The following ROBO2 variants were observed in gnomAD, a reference collection of about 807,000 sequenced individuals.
ROBO2 encodes the protein roundabout guidance receptor 2, also known as roundabout homolog 2.
A neutral mutation model predicts 160.8 loss-of-function variants in ROBO2; 53 were observed. That is an observed-to-expected ratio of 0.33 (90% CI 0.26 to 0.41). ROBO2 has a LOEUF of 0.41. Among genes scored for constraint, ROBO2 ranks in the 10% least tolerant of loss-of-function variants. ROBO2 has a pLI of 1.00. For synonymous variants in ROBO2, 664 were observed against 611.7 expected (o/e 1.09, Z -1.26); for missense variants, 1,577 against 1,722.4 (o/e 0.92, Z 1.49).
At chr3:76,290,676 C>G (rs908293166) in intron 2 of ROBO2, among the ~76,000 whole-genome samples, 4 of 151,966 alleles carry the variant, frequency 2.6e-5, no homozygotes, top group African/African-American at 9.7e-5. Context: ...ATTGCTCTTA[C>G]TATTTTGAGG....
At chr3:76,123,031 G>C (rs2108297669) in intron 2 of ROBO2, among the ~76,000 whole-genome samples, 1 of 152,170 alleles carries the variant, frequency 6.6e-6, no homozygotes, top group East Asian at 1.9e-4. Context: ...ACAGGCATGA[G>C]CCACCGTGCC....
intron 2 of ROBO2, among the ~76,000 whole-genome samples, chr3:76,411,727 A>C (rs961096837): frequency 6.6e-6 from 1 of 152,176 alleles, no homozygotes. Context: ...GCATGCAAGT[A>C]ATTTTTGTGA....
intron 2 of ROBO2, among the ~76,000 whole-genome samples, chr3:76,789,063 A>C (rs2063179628): frequency 6.6e-6 from 1 of 151,524 alleles, no homozygotes; most frequent in African/African-American, 2.4e-5. Flanking sequence ...CTATCTGCCC[A>C]ACATGCCAAA....
chr3:76,886,217 T>C (rs2073865002), intron 2 of ROBO2, among the ~76,000 whole-genome samples: 1 of 151,322 alleles, frequency 6.6e-6, no homozygotes, highest in Non-Finnish European at 1.5e-5. Flanking sequence ...TTTCTTGAGA[T>C]TCTACGCCTT....
At chr3:77,109,937 T>C (rs753422010) in intron 2 of ROBO2, among the ~76,000 whole-genome samples, 6 of 152,218 alleles carry the variant, frequency 3.9e-5, no homozygotes, top group Non-Finnish European at 5.9e-5. Context: ...TGATGACCCC[T>C]GGAATAGGTG....
intron 2 of ROBO2, among the ~76,000 whole-genome samples, chr3:76,002,481 T>C (rs1367958161): frequency 1.3e-5 from 2 of 152,072 alleles, no homozygotes. Context: ...ACGGGGGCAG[T>C]TTCCCCATAC....
At chr3:76,357,037 C>T (rs1377702764) in intron 2 of ROBO2, among the ~76,000 whole-genome samples, 1 of 151,500 alleles carries the variant, frequency 6.6e-6, no homozygotes, top group Non-Finnish European at 1.5e-5. Flanking sequence ...GACTTGTACA[C>T]TGAGAACTAT....
At chr3:76,657,677 T>TTC (rs1368500108) in intron 2 of ROBO2, among the ~76,000 whole-genome samples, 5 of 116,684 alleles carry the variant, frequency 4.3e-5, no homozygotes, top group African/African-American at 1.1e-4. Context: ...TGTATATATA[T>TTC]ACATATATGT....
intron 2 of ROBO2, among the ~76,000 whole-genome samples, chr3:76,767,484 A>T (rs902302564): frequency 7.9e-5 from 12 of 151,630 alleles, no homozygotes; most frequent in African/African-American, 2.9e-4. Flanking sequence ...GTAGATAAGT[A>T]AAATATTTAG....
At chr3:76,301,230 G>A (rs1259565512) in intron 2 of ROBO2, among the ~76,000 whole-genome samples, 1 of 151,910 alleles carries the variant, frequency 6.6e-6, no homozygotes, top group African/African-American at 2.4e-5. Flanking sequence ...GTGATTTTAG[G>A]GATGACACTA....
intron 2 of ROBO2, among the ~76,000 whole-genome samples, chr3:77,286,448 G>C (rs921141835): frequency 1.3e-5 from 2 of 151,962 alleles, no homozygotes; most frequent in African/African-American, 4.8e-5. Flanking sequence ...GTAGGATGGG[G>C]TTTCACCATG....
At chr3:76,746,898 C>T (rs140743746) in intron 2 of ROBO2, among the ~76,000 whole-genome samples, 5 of 152,034 alleles carry the variant, frequency 3.3e-5, no homozygotes, top group African/African-American at 7.2e-5. Context: ...TGAGAACATG[C>T]GGCATTTGGT....
chr3:75,937,852 TA>T (rs1947864013), intron 2 of ROBO2, among the ~76,000 whole-genome samples: 16 of 140,732 alleles, frequency 1.1e-4, no homozygotes, highest in African/African-American at 4.3e-4. Flanking sequence ...TATATATATA[TA>T]TATATATATA....
chr3:76,434,149 T>A (rs2076561220), intron 2 of ROBO2: 13 of 1,184,572 alleles, frequency 1.1e-5, no homozygotes, highest in Non-Finnish European at 1.6e-5. Flanking sequence ...GACTCACTGC[T>A]TGCTGGTCCT....
At chr3:76,264,856 A>G (rs17140610) in intron 2 of ROBO2, among the ~76,000 whole-genome samples, 107,081 of 151,922 alleles carry the variant, frequency 0.7, 41,431 homozygotes, top group Non-Finnish European at 0.88. Context: ...CTCTCCATTT[A>G]AAATCCAGAA....
intron 2 of ROBO2, among the ~76,000 whole-genome samples, chr3:77,008,880 G>A (rs544530177): frequency 6.6e-6 from 1 of 152,196 alleles, no homozygotes; most frequent in South Asian, 2.1e-4. Flanking sequence ...TTTATCCCTA[G>A]CATCTGGAAT....
In ROBO2 at chr3:76,856,015, G is replaced by A. The variant is rs374294910; in HGVS notation, c.110-241999G>A. 5.3e-4 allele frequency among the ~76,000 whole-genome samples: 80 copies of A among 152,322 alleles called. 1 individual carries two copies. In the South Asian group the frequency reaches 9.9e-3, roughly 19 times the overall value. On this transcript the variant is annotated intron_variant, in intron 2 of 26. Coordinates refer to the ROBO2 transcript ENST00000487694. ...ATATGGAGCTGGTTCTATGGTAAGT[G>A]CTGGTATCCCCTGTTGGATGAGCTA...
rs149745101 is a variant in ROBO2, at chr3:76,133,994, A to G, written c.109+196392A>G. 2.3e-4 allele frequency among the ~76,000 whole-genome samples: 35 copies of G among 152,224 alleles called. No homozygotes were observed. The East Asian group carries it at 6.8e-3, about 29-fold the overall frequency. On this transcript the variant is annotated intron_variant, in intron 2 of 26. Coordinates refer to the ROBO2 transcript ENST00000487694. Reference sequence around the variant, plus strand: ...ACAGAAAATACAAATGAAACAAAATACAAATGAAATTTATCTCACTGTCCT... The same window carrying G: ...ACAGAAAATACAAATGAAACAAAATGCAAATGAAATTTATCTCACTGTCCT...
intron 2 of ROBO2, among the ~76,000 whole-genome samples, chr3:76,028,214 A>G (rs1168381995): frequency 6.7e-6 from 1 of 149,404 alleles, no homozygotes; most frequent in Non-Finnish European, 1.5e-5. Flanking sequence ...TACATGCTAT[A>G]GAATTAAACC....
Sources: gnomAD v4.1 joint callset for allele counts (sites outside exome capture counted in the v4.1 genomes callset) on GRCh38, gnomAD v4.1.1 for gene constraint, MANE v1.5 for transcripts, NCBI Gene and HGNC (gene_info 2026-07-23, HGNC 2026-07-21) for gene names.